Variants in KRT72 observed in about 807,000 individuals in gnomAD.
The protein encoded by KRT72 is keratin, type II cytoskeletal 72.
Under a neutral mutation model 44.7 loss-of-function variants are expected in KRT72, and 44 were observed. The ratio of observed to expected loss-of-function variants is 0.98; its 90% confidence interval spans 0.77 to 1.27. The LOEUF (loss-of-function observed/expected upper bound fraction) is 1.27, where lower values mean the gene tolerates loss of function less well. KRT72 is among the 50% of genes most tolerant of loss of function. The pLI, the probability that KRT72 is intolerant of heterozygous loss-of-function variation, is 0.00. For synonymous variants in KRT72, 302 were observed against 280.4 expected, an observed-to-expected ratio of 1.08 and a Z score of -0.77; for missense variants, 736 against 667.1, an observed-to-expected ratio of 1.10 and a Z score of -1.14.
At chr12:52,595,672 G>A (rs924991868) in intron 2 of KRT72, among the ~76,000 whole-genome samples, 4 of 152,166 alleles carry the variant, frequency 2.6e-5, no homozygotes, top group African/African-American at 9.7e-5. Flanking sequence ...ACATGAGGCA[G>A]AATCACATTA....
chr12:52,592,612 T>A, intron 3 of KRT72, 121 bp from the exon 4 acceptor site: 2 of 734,452 alleles, frequency 2.7e-6, no homozygotes, highest in Non-Finnish European at 4.6e-6. Context: ...GGGGGCTCCC[T>A]GAGAGTCCCC....
In KRT72 at chr12:52,587,632, T is replaced by G; in HGVS notation, c.1309A>C (p.Arg437=). Residue 437 remains arginine, a splice_region_variant and synonymous_variant, in exon 7 of 9, where the codon AGG becomes CGG. Transcript: ENST00000293745. The part of the protein sequence containing the change: ...YRKLLESEEC[R]MSGEYPNSVS... The stretch of plus-strand genomic sequence containing the variant: ...ACACAAGGGTATCCGGCCCCTCACC[T>G]GCACTCCTCGCTCTCCAGCAGCTTG... The G allele has an allele frequency of 6.2e-7, 1 of 1,614,154 alleles. No homozygotes were observed.
Position 52,601,160 on chromosome 12 carries a change from G to A in KRT72, c.293C>T (p.Pro98Leu), listed in dbSNP as rs770187775. ...CPSVCPPGGI[P>L]QVTVNKSLLA... ...GAGGCTCTTGTTGACGGTGACCTGA[G>A]GGATGCCCCCGGGTGGGCACACGGA... Residue 98 changes from proline to leucine, a missense_variant, in exon 1 of 9, where the codon CCT becomes CTT. Coordinates refer to ENST00000293745, the MANE Select transcript of KRT72 (RefSeq NM_080747.3). 1.2e-6 allele frequency: 2 copies of A among 1,613,494 alleles called. No individual in the cohort carries two copies. Among genetic ancestry groups the A allele is most frequent in the Admixed American group, 1.7e-5 (1 of 59,968 alleles).
At chr12:52,601,476 C>T, upstream of KRT72, 5 of 1,531,062 alleles carry the variant, frequency 3.3e-6, no homozygotes, top group Non-Finnish European at 4.4e-6. Context: ...CGGTGCTGGC[C>T]GCGCGGGAGG....
At position 52,590,818 on chromosome 12, in the gene KRT72, T is replaced by C. The variant is rs1196930360; in HGVS notation, c.1089+18A>G. 6.4e-7 allele frequency: 1 copy of C among 1,561,268 alleles called. No homozygotes were observed. The stretch of plus-strand genomic sequence containing the variant: ...GACTCAATAAATACTGTTAGTGGAT[T>C]AATTTCATAGAACCCACCTGCTTCT... On this transcript the variant is annotated intron_variant, in intron 6 of 8. Coordinates refer to ENST00000293745, the MANE Select transcript of KRT72 (RefSeq NM_080747.3).
chr12:52,590,249 C>T (rs1939946203), intron 6 of KRT72, among the ~76,000 whole-genome samples: 1 of 152,214 alleles, frequency 6.6e-6, no homozygotes, highest in Admixed American at 6.5e-5. Context: ...AGCACTAGTG[C>T]AGGAAGGCCC....
rs1940307200 is a variant in KRT72, at chr12:52,598,795, C to T, written c.641+103G>A. ...CATTCTGTCTGGATGTTCCTCCCTC[C>T]CCCGGTATCAGCAAGGATCTCAGAA... On this transcript the variant is annotated intron_variant, in intron 2 of 8. Transcript: ENST00000293745. The T allele has an allele frequency of 5.4e-6, 5 of 934,228 alleles. No homozygotes were observed. The Admixed American group carries it at 7.1e-5, about 13-fold the overall frequency. 57.9% of individuals were successfully genotyped at this position (934,228 alleles called of 1,614,324 possible). A position where few individuals can be genotyped will look rare whatever the true frequency, so the allele number is the denominator to read the frequency against.
At chr12:52,588,481 T>C (rs960082765) in intron 6 of KRT72, among the ~76,000 whole-genome samples, 3 of 152,088 alleles carry the variant, frequency 2.0e-5, no homozygotes. Flanking sequence ...AGGGGAACAA[T>C]GCACACTGGA....
rs76258692 is a variant in KRT72, at chr12:52,594,041, A to G, written c.642-1089T>C. ...AATGGTTAAGATGGTAAATTTTGTT[A>G]TATGTATTTTACCATAGTAAAACTT... On this transcript the variant is annotated intron_variant, in intron 2 of 8. Coordinates refer to ENST00000293745, the MANE Select transcript of KRT72 (RefSeq NM_080747.3). 3.8e-3 allele frequency among the ~76,000 whole-genome samples: 579 copies of G among 152,334 alleles called. 4 individuals are homozygous for G. Among genetic ancestry groups the G allele is most frequent in the African/African-American group, 0.013 (543 of 41,570 alleles).
intron 7 of KRT72, among the ~76,000 whole-genome samples, chr12:52,587,339 T>G (rs2120713893): frequency 6.6e-6 from 1 of 152,280 alleles, no homozygotes; most frequent in East Asian, 1.9e-4. Flanking sequence ...TGGACAGCCC[T>G]TAGAGGCCAT....
rs186681670 is a variant in KRT72, at chr12:52,591,736, G to A, written c.799-108C>T. The A allele has an allele frequency of 7.1e-4, 802 of 1,122,158 alleles. 3 individuals carry two copies. Among genetic ancestry groups the A allele is most frequent in the Admixed American group, 3.5e-3 (157 of 45,266 alleles). 69.5% of individuals were successfully genotyped at this position (1,122,158 alleles called of 1,614,324 possible). ...CACTGTCCCTCTGCCTTTCCTCAGC[G>A]TTTGAACTCTGCCTCAGCACCAGTG... On this transcript the variant is annotated intron_variant, in intron 4 of 8. Coordinates refer to ENST00000293745, the MANE Select transcript of KRT72 (RefSeq NM_080747.3).
intron 7 of KRT72, among the ~76,000 whole-genome samples, chr12:52,587,212 G>A (rs1054068525): frequency 2.0e-5 from 3 of 152,020 alleles, no homozygotes; most frequent in Admixed American, 6.6e-5. Flanking sequence ...ACTGCTTGCT[G>A]TGTGGGATCA....
chr12:52,595,757 C>T (rs1940208187), intron 2 of KRT72, among the ~76,000 whole-genome samples: 1 of 152,120 alleles, frequency 6.6e-6, no homozygotes, highest in African/African-American at 2.4e-5. Context: ...CTTTCTGATC[C>T]ATTGGATTAA....
In KRT72 at chr12:52,586,001, G is replaced by T; in HGVS notation, c.1517C>A (p.Thr506Asn). 2.5e-6 allele frequency: 4 copies of T among 1,613,056 alleles called. No homozygotes were observed. The highest frequency in any genetic ancestry group is 3.4e-6 in the Non-Finnish European group (4 of 1,179,478). Residue 506 changes from threonine (T) to asparagine (N), a missense_variant, in exon 9 of 9, where the codon ACC becomes AAC. Thr to Asn is a moderately conservative substitution (Grantham distance 65). Coordinates refer to ENST00000293745, the MANE Select transcript of KRT72 (RefSeq NM_080747.3). ...TGTCCATCATCTGGAGGCCTTTTTG[G>T]TGGCACAGCTGCTCCCCGAGGTTTT... ...LAKTSGSSCATKKASR is the reference protein window; with the variant it reads ...LAKTSGSSCANKKASR
Position 52,592,249 on chromosome 12 carries a change from A to G in KRT72, c.798+147T>C, listed in dbSNP as rs541108371. ...CTCAAAACCTAGCTCATTGTTCAGC[A>G]CCCAGTAGGGCCTTGGTGAATGTCA... On this transcript the variant is annotated intron_variant, in intron 4 of 8. Transcript: ENST00000293745. The G allele has an allele frequency of 1.9e-4, 122 of 651,784 alleles. 1 individual carries two copies. The highest frequency in any genetic ancestry group is 1.8e-3 in the African/African-American group (98 of 54,636). The allele number at this position is 651,784 out of a possible 1,614,324, so 40.4% of individuals were successfully genotyped here.
intron 8 of KRT72, 143 bp downstream of exon 8, chr12:52,586,803 C>T: frequency 1.3e-6 from 1 of 774,840 alleles, no homozygotes; most frequent in Non-Finnish European, 2.3e-6. Flanking sequence ...CCCTTAGTTA[C>T]TACAGCCAGC....
chr12:52,591,017 G>T, intron 5 of KRT72, 56 bp from the exon 6 acceptor site: 3 of 1,484,748 alleles, frequency 2.0e-6, no homozygotes, highest in Middle Eastern at 1.8e-4. Flanking sequence ...ACTAGGGCAG[G>T]TCCCTTTTCT....
intron 8 of KRT72, 118 bp downstream of exon 8, chr12:52,586,825 TCCC>T: frequency 2.1e-6 from 2 of 936,154 alleles, no homozygotes; most frequent in Non-Finnish European, 1.8e-6. Context: ...CCTTCCTTTT[TCCC>T]TTAAGTCTCC....
At position 52,586,228 on chromosome 12, in the gene KRT72, C is replaced by T. The variant is rs114740909; in HGVS notation, c.1346-56G>A. 2.0e-3 allele frequency: 2,971 copies of T among 1,508,810 alleles called. 47 individuals carry two copies. In the African/African-American group the frequency reaches 0.037, roughly 19 times the overall value. The allele number at this position is 1,508,810 out of a possible 1,614,324, so 93.5% of individuals were successfully genotyped here. On this transcript the variant is annotated intron_variant, in intron 8 of 8. Coordinates refer to ENST00000293745, the MANE Select transcript of KRT72 (RefSeq NM_080747.3). The stretch of plus-strand genomic sequence containing the variant: ...CGTCAGCTCTAGCCCCACGTCAGAG[C>T]CCCTTCTTGGGCATCTCGGGCCACC...
Sources: gnomAD v4.1 joint callset for allele counts (sites outside exome capture counted in the v4.1 genomes callset) on GRCh38, gnomAD v4.1.1 for gene constraint, MANE v1.5 for transcripts, NCBI Gene and HGNC (gene_info 2026-07-23, HGNC 2026-07-21) for gene names.